The following ASXL3 variants were observed in gnomAD, a reference collection of about 807,000 sequenced individuals.
ASXL3 encodes the protein putative Polycomb group protein ASXL3.
In ASXL3, 34 loss-of-function variants were observed where a neutral mutation model predicts 170.6. The observed-to-expected ratio is 0.20, with a 90% confidence interval of 0.15 to 0.27. ASXL3 has a LOEUF of 0.27. Among genes scored for constraint, ASXL3 ranks in the 10% least tolerant of loss-of-function variants. ASXL3 has a pLI of 1.00. For synonymous variants in ASXL3, 1,002 were observed against 989.1 expected, an observed-to-expected ratio of 1.01 and a Z score of -0.24; for missense variants, 2,592 against 2,695.3, an observed-to-expected ratio of 0.96 and a Z score of 0.85.
At chr18:33,599,844 A>AGGCTGTGTTTT (rs1318865527) in intron 1 of ASXL3, among the ~76,000 whole-genome samples, 1 of 152,120 alleles carries the variant, frequency 6.6e-6, no homozygotes, top group Non-Finnish European at 1.5e-5. Context: ...TGGAAAACAC[A>AGGCTGTGTTTT]CCACAGAGCT....
chr18:33,685,056 T>C (rs1018264358), intron 8 of ASXL3, among the ~76,000 whole-genome samples: 2 of 152,164 alleles, frequency 1.3e-5, no homozygotes, highest in African/African-American at 2.4e-5. Context: ...AATGGTGTTC[T>C]CCCTGTGTCT....
At position 33,745,275 on chromosome 18, in the gene ASXL3, C is replaced by A. The variant is rs2067759292; in HGVS notation, c.5427C>A (p.Gly1809=). Residue 1809 remains glycine (G), a synonymous_variant, in exon 12 of 12, where the codon GGC becomes GGA. Transcript: ENST00000269197. The part of the protein sequence containing the change: ...PPSSPNPDGK[G]YLAGTLAPLQ... Reference sequence around the variant, plus strand: ...GCTCTCCAAATCCAGATGGTAAGGGCTACTTGGCAGGGACTCTGGCACCAC... The same window carrying A: ...GCTCTCCAAATCCAGATGGTAAGGGATACTTGGCAGGGACTCTGGCACCAC... 6.2e-7 allele frequency: 1 copy of A among 1,613,950 alleles called. No individual in the cohort carries two copies. The highest frequency in any genetic ancestry group is 8.5e-7 in the Non-Finnish European group (1 of 1,179,886).
chr18:33,695,561 A>G (rs898532873), intron 8 of ASXL3, among the ~76,000 whole-genome samples: 3 of 152,122 alleles, frequency 2.0e-5, no homozygotes, highest in African/African-American at 7.2e-5. Context: ...AATCCTGTTC[A>G]TCGGTATCTG....
chr18:33,651,776 G>C (rs2066002777), intron 4 of ASXL3, among the ~76,000 whole-genome samples: 1 of 152,044 alleles, frequency 6.6e-6, no homozygotes, highest in Non-Finnish European at 1.5e-5. Flanking sequence ...TGAGTCCTTA[G>C]GCAGAGTTAA....
intron 1 of ASXL3, among the ~76,000 whole-genome samples, chr18:33,579,915 A>G (rs898285160): frequency 3.3e-5 from 5 of 152,202 alleles, no homozygotes; most frequent in African/African-American, 1.2e-4. Context: ...GAGTAACTAC[A>G]TTATGCTCAA....
intron 7 of ASXL3, among the ~76,000 whole-genome samples, chr18:33,675,722 C>T (rs1397617402): frequency 6.6e-6 from 1 of 152,058 alleles, no homozygotes; most frequent in Non-Finnish European, 1.5e-5. Flanking sequence ...TGGGCCTTAG[C>T]ATCTAAGGAG....
At chr18:33,647,673 A>G (rs937144277) in intron 4 of ASXL3, among the ~76,000 whole-genome samples, 1 of 152,056 alleles carries the variant, frequency 6.6e-6, no homozygotes, top group Non-Finnish European at 1.5e-5. Context: ...TGCTCTCTCA[A>G]CATATATACT....
chr18:33,646,881 G>C (rs28393091), intron 4 of ASXL3, among the ~76,000 whole-genome samples: 1,818 of 55,432 alleles, frequency 0.033, 66 homozygotes, highest in African/African-American at 0.13. Flanking sequence ...AAGGGGGAGC[G>C]GGGGGGGGGG....
At chr18:33,624,528 T>C (rs1485994063) in intron 2 of ASXL3, among the ~76,000 whole-genome samples, 5 of 152,092 alleles carry the variant, frequency 3.3e-5, no homozygotes, top group Non-Finnish European at 5.9e-5. Flanking sequence ...ATGTATGATA[T>C]TGATGTAGAA....
intron 2 of ASXL3, among the ~76,000 whole-genome samples, chr18:33,615,769 G>A (rs1462403944): frequency 6.6e-6 from 1 of 152,024 alleles, no homozygotes; most frequent in Non-Finnish European, 1.5e-5. Flanking sequence ...TTTCTAGTTA[G>A]ATGGTATCTG....
At chr18:33,680,101 A>G (rs1432456596) in intron 7 of ASXL3, among the ~76,000 whole-genome samples, 2 of 151,624 alleles carry the variant, frequency 1.3e-5, no homozygotes, top group African/African-American at 2.4e-5. Context: ...CTACCCTCTA[A>G]TATATGCAGT....
chr18:33,678,951 A>G (rs1205669610), intron 7 of ASXL3, among the ~76,000 whole-genome samples: 5 of 152,212 alleles, frequency 3.3e-5, no homozygotes, highest in African/African-American at 1.2e-4. Context: ...TTTGTCATAA[A>G]AGACTGTGTG....
intron 4 of ASXL3, among the ~76,000 whole-genome samples, chr18:33,648,041 A>G (rs2065941589): frequency 6.6e-6 from 1 of 152,062 alleles, no homozygotes; most frequent in Admixed American, 6.6e-5. Context: ...GCCAAAGTGA[A>G]CAAGGGAGAG....
At chr18:33,654,578 A>G (rs2066052571) in intron 4 of ASXL3, among the ~76,000 whole-genome samples, 1 of 151,988 alleles carries the variant, frequency 6.6e-6, no homozygotes, top group Non-Finnish European at 1.5e-5. Context: ...ACTTTTGCTG[A>G]TCTCCTTCCT....
chr18:33,609,291 C>G (rs965520364), intron 2 of ASXL3, among the ~76,000 whole-genome samples: 15 of 151,976 alleles, frequency 9.9e-5, no homozygotes, highest in African/African-American at 3.6e-4. Context: ...CTAAGGATGT[C>G]TACTGTCTTA....
chr18:33,630,206 A>G (rs1462181122), intron 2 of ASXL3, among the ~76,000 whole-genome samples: 1 of 151,984 alleles, frequency 6.6e-6, no homozygotes, highest in Non-Finnish European at 1.5e-5. Context: ...TTCTAGTTAT[A>G]CTTCCTTTCT....
intron 8 of ASXL3, among the ~76,000 whole-genome samples, chr18:33,691,229 T>C (rs1657565515): frequency 6.6e-6 from 1 of 152,172 alleles, no homozygotes. Context: ...TATCAGGATG[T>C]CCTCTCCATA....
At chr18:33,729,804 C>G (rs1327049639) in intron 8 of ASXL3, among the ~76,000 whole-genome samples, 2 of 152,022 alleles carry the variant, frequency 1.3e-5, no homozygotes, top group Non-Finnish European at 2.9e-5. Context: ...GACCGCCATC[C>G]CTGAGGAGTT....
At chr18:33,596,284 C>A (rs566583541) in intron 1 of ASXL3, among the ~76,000 whole-genome samples, 1 of 152,248 alleles carries the variant, frequency 6.6e-6, no homozygotes, top group Non-Finnish European at 1.5e-5. Context: ...ACCCTCCCTT[C>A]CCCCACTGTA....
Sources: gnomAD v4.1 joint callset for allele counts (sites outside exome capture counted in the v4.1 genomes callset) on GRCh38, gnomAD v4.1.1 for gene constraint, MANE v1.5 for transcripts, NCBI Gene and HGNC (gene_info 2026-07-23, HGNC 2026-07-21) for gene names.